Variants in CRTC3 observed in about 807,000 individuals in gnomAD.
CRTC3 encodes the protein CREB regulated transcription coactivator 3, also known as CREB-regulated transcription coactivator 3.
CRTC3 carries 26 observed loss-of-function variants against 74.5 expected under a neutral mutation model. That is an observed-to-expected ratio of 0.35 (90% CI 0.26 to 0.48). CRTC3 has a LOEUF of 0.48. Ranked by LOEUF, CRTC3 falls within the 20% of genes least tolerant of loss-of-function variation. The pLI is 0.99. For synonymous variants in CRTC3, 377 were observed against 325.8 expected, an observed-to-expected ratio of 1.16 and a Z score of -1.69; for missense variants, 760 against 787.3, an observed-to-expected ratio of 0.97 and a Z score of 0.41.
Position 90,642,849 on chromosome 15 carries a change from C to T in CRTC3, c.*709C>T, listed in dbSNP as rs1969498600. ...ATTTTATCAGTCACTGAAAAGAGTCCCCTGGCACTGATGAGCCTGAAGAGA... is the reference window on the plus strand; with the variant it reads ...ATTTTATCAGTCACTGAAAAGAGTCTCCTGGCACTGATGAGCCTGAAGAGA... On this transcript the variant is annotated 3_prime_UTR_variant, in exon 15 of 15. Transcript: ENST00000268184. 2 of 232,846 alleles carry T rather than the reference C, an allele frequency of 8.6e-6. No individual in the cohort carries two copies. The highest frequency in any genetic ancestry group is 4.4e-5 in the African/African-American group (2 of 45,282). 14.4% of individuals were successfully genotyped at this position (232,846 alleles called of 1,614,324 possible).
At chr15:90,641,639 G>A (rs571341673) in intron 14 of CRTC3, among the ~76,000 whole-genome samples, 1 of 151,460 alleles carries the variant, frequency 6.6e-6, no homozygotes, top group East Asian at 1.9e-4. Context: ...GGAGCTTGCA[G>A]TGAGCCGAGA....
chr15:90,533,971 T>TA (rs916544726), intron 1 of CRTC3, among the ~76,000 whole-genome samples: 2 of 152,078 alleles, frequency 1.3e-5, no homozygotes, highest in Non-Finnish European at 2.9e-5. Context: ...GAGGCATTCA[T>TA]AGGGATCAGG....
chr15:90,632,534 C>G (rs564920562), intron 11 of CRTC3, among the ~76,000 whole-genome samples: 1 of 152,250 alleles, frequency 6.6e-6, no homozygotes, highest in African/African-American at 2.4e-5. Context: ...GCTGTCTTTC[C>G]CTCTCGTTAG....
chr15:90,629,669 C>T (rs7495132), intron 11 of CRTC3, 137 bp downstream of exon 11: 85,031 of 733,698 alleles, frequency 0.12, 5,283 homozygotes, highest in African/African-American at 0.16. Flanking sequence ...GCAGTCTGTT[C>T]GCTCTTATAT....
chr15:90,611,369 C>A (rs538072259), intron 6 of CRTC3, among the ~76,000 whole-genome samples: 22 of 152,306 alleles, frequency 1.4e-4, no homozygotes, highest in Admixed American at 1.4e-3. Context: ...TTTCCTGGAA[C>A]ACAGTTGCAG....
chr15:90,623,465 G>A (rs770594669), intron 9 of CRTC3, among the ~76,000 whole-genome samples: 1 of 152,080 alleles, frequency 6.6e-6, no homozygotes, highest in East Asian at 1.9e-4. Flanking sequence ...AGTGTCCCCT[G>A]TCTCAGTGAG....
At chr15:90,602,192 C>A in intron 3 of CRTC3, 132 bp from the exon 4 acceptor site, 1 of 640,904 alleles carries the variant, frequency 1.6e-6, no homozygotes. Flanking sequence ...TAAGAGAAAG[C>A]ATGAAGGAAG....
intron 3 of CRTC3, chr15:90,598,177 C>G (rs772551958): frequency 1.9e-5 from 9 of 465,406 alleles, no homozygotes; most frequent in Non-Finnish European, 3.1e-5. Context: ...GGCTTCCAGG[C>G]TGCCCCGACA....
At chr15:90,577,828 A>G (rs1482058976) in intron 2 of CRTC3, among the ~76,000 whole-genome samples, 1 of 152,198 alleles carries the variant, frequency 6.6e-6, no homozygotes, top group Non-Finnish European at 1.5e-5. Context: ...AGTAGATACC[A>G]CAATGACACA....
rs988962457 is a variant in CRTC3 at position 90,644,430 on chromosome 15, C to G, written c.*2290C>G. The G allele has an allele frequency of 4.3e-6, 1 of 231,520 alleles. No individual in the cohort carries two copies. Among genetic ancestry groups the G allele is most frequent in the African/African-American group, 2.2e-5 (1 of 45,248 alleles). The allele number at this position is 231,520 out of a possible 1,614,324, so 14.3% of individuals were successfully genotyped here. A position where few individuals can be genotyped will look rare whatever the true frequency, so the allele number is the denominator to read the frequency against. On this transcript the variant is annotated 3_prime_UTR_variant, in exon 15 of 15. Coordinates refer to ENST00000268184, the MANE Select transcript of CRTC3 (RefSeq NM_022769.5). ...GCCTTACCCATGGGTATCGTCATAT[C>G]CGGGTCCCAGTTCAGTTTGTCTGCA...
intron 2 of CRTC3, among the ~76,000 whole-genome samples, chr15:90,567,353 T>C (rs980885111): frequency 2.0e-5 from 3 of 152,140 alleles, no homozygotes; most frequent in Admixed American, 6.6e-5. Flanking sequence ...TGCTGCTCAA[T>C]TCAGTGCTTT....
At chr15:90,546,912 A>T (rs1306415946) in intron 2 of CRTC3, among the ~76,000 whole-genome samples, 3 of 152,228 alleles carry the variant, frequency 2.0e-5, no homozygotes, top group East Asian at 3.8e-4. Context: ...CGTGAGCCAC[A>T]ACGCCCGGCC....
chr15:90,606,584 TA>T (rs200829659), intron 5 of CRTC3, among the ~76,000 whole-genome samples: 3 of 151,510 alleles, frequency 2.0e-5, no homozygotes, highest in Admixed American at 1.3e-4. Flanking sequence ...TAAAATAAAA[TA>T]AAAAAAATAT....
At chr15:90,602,837 GACA>G (rs1968109624) in intron 4 of CRTC3, among the ~76,000 whole-genome samples, 1 of 150,750 alleles carries the variant, frequency 6.6e-6, no homozygotes, top group Non-Finnish European at 1.5e-5. Flanking sequence ...AGCTGGGCAT[GACA>G]GCACATGCCT....
chr15:90,634,768 G>A (rs984321326), intron 11 of CRTC3: 12 of 1,114,252 alleles, frequency 1.1e-5, no homozygotes, highest in Non-Finnish European at 1.5e-5. Context: ...CTCTCTGACT[G>A]AGTATTGGTT....
chr15:90,544,082 G>C (rs754604498), intron 2 of CRTC3, among the ~76,000 whole-genome samples: 48 of 152,284 alleles, frequency 3.2e-4, no homozygotes, highest in Non-Finnish European at 5.6e-4. Context: ...ATTTTCTCAT[G>C]TTCTCATGTT....
chr15:90,532,815 G>T (rs972025571), intron 1 of CRTC3, among the ~76,000 whole-genome samples: 17 of 152,142 alleles, frequency 1.1e-4, no homozygotes, highest in African/African-American at 3.9e-4. Context: ...GGTCGGGCGT[G>T]GTGGTTCACG....
intron 2 of CRTC3, among the ~76,000 whole-genome samples, chr15:90,549,098 T>G (rs1405598878): frequency 6.6e-6 from 1 of 152,246 alleles, no homozygotes; most frequent in Non-Finnish European, 1.5e-5. Context: ...TCAGTAGTTT[T>G]GCAGTGACTA....
intron 1 of CRTC3, among the ~76,000 whole-genome samples, chr15:90,532,619 C>A (rs1377430205): frequency 6.6e-6 from 1 of 152,170 alleles, no homozygotes; most frequent in Non-Finnish European, 1.5e-5. Context: ...GCCTTACTTA[C>A]CTATTCACCT....
Sources: allele counts gnomAD v4.1 joint callset (sites outside exome capture counted in the v4.1 genomes callset), GRCh38; gene constraint gnomAD v4.1.1; transcripts MANE v1.5; gene names NCBI Gene and HGNC (gene_info 2026-07-23, HGNC 2026-07-21).